Variants in CSMD1 observed in about 807,000 individuals in gnomAD.
CSMD1 encodes CUB and sushi domain-containing protein 1.
A neutral mutation model predicts 417.5 loss-of-function variants in CSMD1; 213 were observed. The ratio of observed to expected loss-of-function variants is 0.51; its 90% confidence interval spans 0.46 to 0.57. CSMD1 has a LOEUF of 0.57. CSMD1 is among the 20% of genes least tolerant of loss of function. The pLI is 0.00. For synonymous variants in CSMD1, 2,862 were observed against 1,736.8 expected (o/e 1.65, Z -16.11); for missense variants, 6,923 against 4,529.7 (o/e 1.53, Z -15.17).
At chr8:4,852,503 T>G (rs1801536935) in intron 1 of CSMD1, among the ~76,000 whole-genome samples, 1 of 152,194 alleles carries the variant, frequency 6.6e-6, no homozygotes, top group African/African-American at 2.4e-5. Context: ...GGTCAGCCAA[T>G]TAAACCTCTT....
At chr8:3,345,575 C>A (rs567628176) in intron 22 of CSMD1, among the ~76,000 whole-genome samples, 3 of 152,164 alleles carry the variant, frequency 2.0e-5, no homozygotes, top group Non-Finnish European at 4.4e-5. Flanking sequence ...CTGTTCTGTA[C>A]AACATTTCCT....
chr8:4,371,025 A>C (rs1286960179), intron 3 of CSMD1, among the ~76,000 whole-genome samples: 2 of 152,182 alleles, frequency 1.3e-5, no homozygotes, highest in Non-Finnish European at 1.5e-5. Flanking sequence ...AGGGTCTTGG[A>C]GTGGTTCATT....
rs545057900 is a variant in CSMD1, at chr8:4,450,884, T to C, written c.303-30819A>G. Among the ~76,000 whole-genome samples the C allele has an allele frequency of 6.6e-5, 10 of 152,166 alleles. No individual in the cohort carries two copies. The East Asian group carries it at 1.2e-3, about 18-fold the overall frequency. ...AATTGTTAATATTCTTCCAACCAGA[T>C]TGCGCTAATATAAAAATTAAAATTA... On this transcript the variant is annotated intron_variant, in intron 2 of 69. Transcript: ENST00000635120.
At position 4,814,583 on chromosome 8, in the gene CSMD1, T is replaced by C. The variant is rs1002512758; in HGVS notation, c.86-177025A>G. 3.9e-5 allele frequency among the ~76,000 whole-genome samples: 6 copies of C among 152,192 alleles called. No individual in the cohort carries two copies. In the South Asian group the frequency reaches 8.3e-4, roughly 21 times the overall value. On this transcript the variant is annotated intron_variant, in intron 1 of 69. Transcript: ENST00000635120. ...CAGAATAATGATTTATTCAATGCTT[T>C]AATTAGGCAAATAATAAAGCTATAT...
At chr8:3,166,898 G>A (rs184989267) in intron 37 of CSMD1, among the ~76,000 whole-genome samples, 1 of 152,180 alleles carries the variant, frequency 6.6e-6, no homozygotes, top group Non-Finnish European at 1.5e-5. Context: ...ATTTTCAAGA[G>A]AAATAATTTG....
Position 4,344,812 on chromosome 8 carries a change from T to C in CSMD1, c.415+75141A>G, listed in dbSNP as rs372849527. ...AAGAAATATACATTAGCATATGATA[T>C]ATAGCAGCTGATCTTTAAAAAGGAT... On this transcript the variant is annotated intron_variant, in intron 3 of 69. Coordinates refer to ENST00000635120, the MANE Select transcript of CSMD1 (RefSeq NM_033225.6). 6.6e-5 allele frequency among the ~76,000 whole-genome samples: 10 copies of C among 152,288 alleles called. No individual in the cohort carries two copies. The East Asian group carries it at 1.2e-3, about 18-fold the overall frequency.
intron 17 of CSMD1, among the ~76,000 whole-genome samples, chr8:3,388,746 G>C (rs1811160960): frequency 6.6e-6 from 1 of 152,178 alleles, no homozygotes; most frequent in Admixed American, 6.5e-5. Context: ...AACTGTCCTT[G>C]CTGCTGCGCA....
intron 62 of CSMD1, among the ~76,000 whole-genome samples, chr8:2,959,582 G>A (rs1225471539): frequency 1.3e-5 from 2 of 151,840 alleles, no homozygotes; most frequent in South Asian, 2.1e-4. Flanking sequence ...AGAATATACC[G>A]AGCCACTGCA....
chr8:3,309,566 G>T (rs76725680), intron 23 of CSMD1, among the ~76,000 whole-genome samples: 3,227 of 142,388 alleles, frequency 0.023, 89 homozygotes, highest in East Asian at 0.095. Flanking sequence ...ATCTGTGAAA[G>T]ACAGTCTTAC....
In CSMD1 at chr8:3,829,490, G is replaced by A. The variant is rs188867690; in HGVS notation, c.819-75448C>T. Among the ~76,000 whole-genome samples the A allele has an allele frequency of 1.1e-3, 161 of 152,258 alleles. 1 individual carries two copies. Among genetic ancestry groups the A allele is most frequent in the African/African-American group, 3.8e-3 (156 of 41,546 alleles). On this transcript the variant is annotated intron_variant, in intron 5 of 69. Coordinates refer to ENST00000635120, the MANE Select transcript of CSMD1 (RefSeq NM_033225.6). ...CTTGCCGCCACCCTGCTGTTCTTGA[G>A]TATTTTTCCTTTGTCCCTCTGTCCT...
At chr8:4,588,818 A>G (rs552590461) in intron 2 of CSMD1, among the ~76,000 whole-genome samples, 2 of 151,576 alleles carry the variant, frequency 1.3e-5, no homozygotes, top group East Asian at 3.9e-4. Context: ...AAGAAACTCT[A>G]CTCTGTGCTT....
rs113361010 is a variant in CSMD1 at position 3,105,298 on chromosome 8, T to C, written c.6949+1230A>G. Among the ~76,000 whole-genome samples the C allele has an allele frequency of 4.9e-3, 730 of 148,860 alleles. 8 individuals are homozygous for C. Among genetic ancestry groups the C allele is most frequent in the South Asian group, 0.017 (83 of 4,780 alleles). ...TGTCTTCCTAAATCGTGGGCCCTTA[T>C]AGCTGTGTCACTCACCCTAAGGAAT... On this transcript the variant is annotated intron_variant, in intron 46 of 69. Transcript: ENST00000635120.
chr8:4,205,524 G>C (rs1414213754), intron 3 of CSMD1, among the ~76,000 whole-genome samples: 1 of 152,122 alleles, frequency 6.6e-6, no homozygotes, highest in Non-Finnish European at 1.5e-5. Context: ...TTCATTTTAT[G>C]GATGATGAAA....
chr8:4,222,805 C>T (rs993652756), intron 3 of CSMD1, among the ~76,000 whole-genome samples: 3 of 152,036 alleles, frequency 2.0e-5, no homozygotes, highest in Non-Finnish European at 4.4e-5. Flanking sequence ...GTTGAGCTGA[C>T]CTGAGGATTT....
chr8:4,424,170 A>G (rs781464496), intron 2 of CSMD1, among the ~76,000 whole-genome samples: 35 of 152,052 alleles, frequency 2.3e-4, no homozygotes, highest in Non-Finnish European at 4.3e-4. Flanking sequence ...ATTACAAACC[A>G]GAAAAAGATA....
In CSMD1 at chr8:4,310,239, A is replaced by G. The variant is rs368050293; in HGVS notation, c.415+109714T>C. On this transcript the variant is annotated intron_variant, in intron 3 of 69. Transcript: ENST00000635120. Reference sequence around the variant, plus strand: ...GGATTCAGGAATTAGCAATTAACTTATCACACAGAAAAATATGAAGTTAGA... The same window carrying G: ...GGATTCAGGAATTAGCAATTAACTTGTCACACAGAAAAATATGAAGTTAGA... Among the ~76,000 whole-genome samples the G allele has an allele frequency of 1.3e-3, 198 of 152,298 alleles. 1 individual carries two copies. The highest frequency in any genetic ancestry group is 4.6e-3 in the African/African-American group (190 of 41,564).
At chr8:4,786,389 G>A (rs1408069269) in intron 1 of CSMD1, among the ~76,000 whole-genome samples, 1 of 152,100 alleles carries the variant, frequency 6.6e-6, no homozygotes, top group Non-Finnish European at 1.5e-5. Flanking sequence ...AACATGCATC[G>A]GTCAAGTAAA....
intron 12 of CSMD1, among the ~76,000 whole-genome samples, chr8:3,437,389 C>A (rs1408530720): frequency 6.6e-6 from 1 of 152,130 alleles, no homozygotes; most frequent in Admixed American, 6.5e-5. Context: ...CCCTCTTTGG[C>A]AATTCATACA....
At chr8:3,442,638 C>G (rs1815059012) in intron 12 of CSMD1, among the ~76,000 whole-genome samples, 1 of 152,030 alleles carries the variant, frequency 6.6e-6, no homozygotes, top group African/African-American at 2.4e-5. Flanking sequence ...TAAGTGCACT[C>G]CACGATGTTT....
Sources: gnomAD v4.1 joint callset for allele counts (sites outside exome capture counted in the v4.1 genomes callset) on GRCh38, gnomAD v4.1.1 for gene constraint, MANE v1.5 for transcripts, NCBI Gene and HGNC (gene_info 2026-07-23, HGNC 2026-07-21) for gene names.